Variants in NGF observed in about 807,000 individuals in gnomAD.
NGF encodes beta-nerve growth factor.
A neutral mutation model predicts 12.8 loss-of-function variants in NGF; 4 were observed. That is an observed-to-expected ratio of 0.31 (90% confidence interval 0.15 to 0.72). The LOEUF (loss-of-function observed/expected upper bound fraction) is 0.72. NGF is among the 30% of genes least tolerant of loss of function. The probability of loss-of-function intolerance (pLI) is 0.69; values close to 1 mark genes in which losing one functional copy is unlikely to be tolerated. For synonymous variants in NGF, 140 were observed against 130.0 expected (o/e 1.08, Z -0.52); for missense variants, 283 against 330.8 (o/e 0.86, Z 1.12).
At chr1:115,307,352 G>T (rs1008849907) in intron 1 of NGF, among the ~76,000 whole-genome samples, 1 of 152,162 alleles carries the variant, frequency 6.6e-6, no homozygotes, top group African/African-American at 2.4e-5. Flanking sequence ...AGCAACGGAG[G>T]GTGTGGAGGG....
chr1:115,317,889 A>ATG (rs1654513264), intron 1 of NGF, among the ~76,000 whole-genome samples: 1 of 152,240 alleles, frequency 6.6e-6, no homozygotes, highest in South Asian at 2.1e-4. Context: ...AAGTATTTCA[A>ATG]TGTTAATAAG....
chr1:115,337,261 G>GTTTT (rs368973980), intron 1 of NGF, among the ~76,000 whole-genome samples: 19 of 11,738 alleles, frequency 1.6e-3, no homozygotes, highest in Non-Finnish European at 2.5e-3. Context: ...TTTTTGTTTT[G>GTTTT]TTTTTGTTTT....
In NGF at chr1:115,322,153, A is replaced by G. The variant is rs190758851; in HGVS notation, c.-137+16051T>C. Among the ~76,000 whole-genome samples the G allele has an allele frequency of 2.0e-5, 3 of 152,318 alleles. No homozygotes were observed. The East Asian group carries it at 5.8e-4, about 29-fold the overall frequency. On this transcript the variant is annotated intron_variant, in intron 1 of 2. Coordinates refer to ENST00000369512, the MANE Select transcript of NGF (RefSeq NM_002506.3). ...CTCCCCAAGTCCAAGGACACTAGAG[A>G]AACCTTGTCTCTGGAATTTCTTTTC...
intron 1 of NGF, among the ~76,000 whole-genome samples, chr1:115,310,181 C>G (rs1654302254): frequency 6.6e-6 from 1 of 152,150 alleles, no homozygotes; most frequent in South Asian, 2.1e-4. Flanking sequence ...GAAATTGTTG[C>G]AGCCAAGGGA....
intron 1 of NGF, among the ~76,000 whole-genome samples, chr1:115,330,421 C>G (rs544693324): frequency 1.3e-5 from 2 of 152,348 alleles, no homozygotes; most frequent in African/African-American, 4.8e-5. Context: ...AGGCTACACA[C>G]AGTCGCCATC....
rs1245353637 is a variant in NGF, at chr1:115,333,701, CTTTCTTTCTTTCTT to C, written c.-137+4489_-137+4502del. ...TCTTTCTTTCTTTCTTTCTTTCTTT[CTTTCTTTCTTTCTT>C]TTCTTTCTTTCCTTCTTTCTTTCTT... On this transcript the variant is annotated intron_variant, in intron 1 of 2. Transcript: ENST00000369512. Among the ~76,000 whole-genome samples the C allele has an allele frequency of 1.7e-4, 15 of 89,172 alleles. 1 individual carries two copies. Among genetic ancestry groups the C allele is most frequent in the African/African-American group, 8.7e-4 (15 of 17,296 alleles). 58.5% of individuals were successfully genotyped at this position (89,172 alleles called of 152,430 possible).
Position 115,286,264 on chromosome 1 carries a change from T to C in NGF, c.532A>G (p.Lys178Glu). Residue 178 changes from lysine (K) to glutamate (E), a missense_variant, in exon 3 of 3, where the codon AAG (lysine) becomes GAG (glutamate). By Grantham distance (56) the Lys-to-Glu change is moderately conservative. Around this residue, in one of 2 missense-constraint regions of NGF, gnomAD observed 132 missense variants for 189.2 expected, o/e 0.70. Coordinates refer to ENST00000369512, the MANE Select transcript of NGF (RefSeq NM_002506.3). ...SVFKQYFFET[K>E]CRDPNPVDSG... ...TCAACGGGATTTGGGTCCCGGCACT[T>C]GGTCTCAAAAAAGTACTGTTTGAAT... 6.2e-7 allele frequency: 1 copy of C among 1,614,178 alleles called. No homozygotes were observed. The highest frequency in any genetic ancestry group is 8.5e-7 in the Non-Finnish European group (1 of 1,180,040).
intron 1 of NGF, among the ~76,000 whole-genome samples, chr1:115,317,628 G>A (rs1308796992): frequency 3.3e-5 from 5 of 152,224 alleles, no homozygotes; most frequent in Non-Finnish European, 7.3e-5. Context: ...TCTGACCACA[G>A]AGAATAATTT....
chr1:115,327,669 C>T (rs1400989834), intron 1 of NGF, among the ~76,000 whole-genome samples: 1 of 152,218 alleles, frequency 6.6e-6, no homozygotes, highest in Admixed American at 6.5e-5. Flanking sequence ...ACTCTCCCCG[C>T]CACCTTTTCA....
chr1:115,295,907 A>G (rs1259474898), intron 1 of NGF, among the ~76,000 whole-genome samples: 1 of 152,216 alleles, frequency 6.6e-6, no homozygotes, highest in African/African-American at 2.4e-5. Context: ...TAGGGACACA[A>G]AGGAGAATAA....
chr1:115,289,452 G>GCTCCTC (rs2101022195), intron 2 of NGF, among the ~76,000 whole-genome samples: 1 of 151,992 alleles, frequency 6.6e-6, no homozygotes, highest in Non-Finnish European at 1.5e-5. Flanking sequence ...CCTTTGGTGG[G>GCTCCTC]CTCCTCCTCT....
intron 2 of NGF, among the ~76,000 whole-genome samples, chr1:115,288,520 A>C (rs978651525): frequency 6.6e-6 from 1 of 151,684 alleles, no homozygotes; most frequent in Non-Finnish European, 1.5e-5. Context: ...CCTCTCTCAG[A>C]CCTCCTTCAA....
At chr1:115,305,973 C>T (rs1282055384) in intron 1 of NGF, among the ~76,000 whole-genome samples, 1 of 152,168 alleles carries the variant, frequency 6.6e-6, no homozygotes. Flanking sequence ...CAAATGGAAA[C>T]TGTTAATATT....
chr1:115,335,733 CACTGACAT>C (rs1368144405), intron 1 of NGF, among the ~76,000 whole-genome samples: 3 of 152,192 alleles, frequency 2.0e-5, no homozygotes, highest in Admixed American at 6.5e-5. Flanking sequence ...CCAGGTCTGG[CACTGACAT>C]CTGCTTGGGG....
intron 1 of NGF, among the ~76,000 whole-genome samples, chr1:115,329,152 A>C (rs1654845887): frequency 1.3e-5 from 2 of 151,646 alleles, no homozygotes; most frequent in African/African-American, 4.8e-5. Flanking sequence ...GAAGAAGAGA[A>C]GGAGGAGGAA....
At chr1:115,332,231 T>C (rs1478046492) in intron 1 of NGF, among the ~76,000 whole-genome samples, 1 of 152,198 alleles carries the variant, frequency 6.6e-6, no homozygotes, top group Non-Finnish European at 1.5e-5. Context: ...ATTTCTGAAA[T>C]AAGAGTCTGA....
intron 1 of NGF, among the ~76,000 whole-genome samples, chr1:115,331,112 G>GA (rs1654910566): frequency 6.6e-6 from 1 of 152,148 alleles, no homozygotes; most frequent in African/African-American, 2.4e-5. Flanking sequence ...CATCGGGAAG[G>GA]GGCCTCAGCT....
At chr1:115,291,949 G>T (rs138035321) in intron 2 of NGF, among the ~76,000 whole-genome samples, 1 of 152,132 alleles carries the variant, frequency 6.6e-6, no homozygotes, top group Non-Finnish European at 1.5e-5. Context: ...GATGGGATAC[G>T]TGAACCAGGG....
chr1:115,333,686 TTTC>T (rs1557949195), intron 1 of NGF, among the ~76,000 whole-genome samples: 14 of 60,186 alleles, frequency 2.3e-4, no homozygotes, highest in African/African-American at 1.6e-3. Context: ...TCTTTCTTTC[TTTC>T]TTTCTTTCTT....
Sources: gnomAD v4.1 joint callset for allele counts (sites outside exome capture counted in the v4.1 genomes callset) on GRCh38, gnomAD v4.1.1 for gene constraint, gnomAD v4.1.1 regional missense constraint, MANE v1.5 for transcripts, NCBI Gene and HGNC (gene_info 2026-07-23, HGNC 2026-07-21) for gene names.